The following CACNA2D3 variants were observed in gnomAD, a reference collection of about 807,000 sequenced individuals.
The protein encoded by CACNA2D3 is calcium voltage-gated channel auxiliary subunit alpha2delta 3, also known as voltage-dependent calcium channel subunit alpha-2/delta-3.
In CACNA2D3, 60 loss-of-function variants were observed where a neutral mutation model predicts 160.6. The ratio of observed to expected loss-of-function variants is 0.37; its 90% CI spans 0.30 to 0.46. The LOEUF is 0.46. Among genes scored for constraint, CACNA2D3 ranks in the 20% least tolerant of loss-of-function variants. The pLI is 1.00. For synonymous variants in CACNA2D3, 558 were observed against 492.9 expected (o/e 1.13, Z -1.75); for missense variants, 1,205 against 1,365.0 (o/e 0.88, Z 1.85).
intron 16 of CACNA2D3, among the ~76,000 whole-genome samples, chr3:54,839,860 G>A (rs1282490636): frequency 6.6e-6 from 1 of 152,104 alleles, no homozygotes; most frequent in Non-Finnish European, 1.5e-5. Flanking sequence ...ATCCACCAGG[G>A]CTTTTATAAT....
intron 4 of CACNA2D3, among the ~76,000 whole-genome samples, chr3:54,439,579 G>C (rs981319272): frequency 6.6e-6 from 1 of 152,140 alleles, no homozygotes; most frequent in Non-Finnish European, 1.5e-5. Flanking sequence ...CCATGGGCTG[G>C]AGGGTTTGAG....
At chr3:55,035,845 A>C (rs1333628231) in intron 35 of CACNA2D3, among the ~76,000 whole-genome samples, 1 of 152,304 alleles carries the variant, frequency 6.6e-6, no homozygotes, top group East Asian at 1.9e-4. Flanking sequence ...CTATGGTTCT[A>C]TATGTTATGT....
intron 3 of CACNA2D3, among the ~76,000 whole-genome samples, chr3:54,380,988 C>T (rs947974773): frequency 6.6e-6 from 1 of 152,036 alleles, no homozygotes; most frequent in African/African-American, 2.4e-5. Context: ...GATTTGAGTT[C>T]CCCCCATTTG....
intron 17 of CACNA2D3, among the ~76,000 whole-genome samples, chr3:54,849,434 A>G (rs1225839369): frequency 6.6e-6 from 1 of 152,146 alleles, no homozygotes. Context: ...GACTCAGTAG[A>G]TGAATAAGTG....
intron 4 of CACNA2D3, among the ~76,000 whole-genome samples, chr3:54,437,458 C>T (rs1200750133): frequency 6.6e-6 from 1 of 152,176 alleles, no homozygotes; most frequent in Non-Finnish European, 1.5e-5. Flanking sequence ...TTCCTTGGCT[C>T]ATTCTGGCCC....
intron 15 of CACNA2D3, among the ~76,000 whole-genome samples, chr3:54,837,891 C>T (rs1012095035): frequency 6.6e-6 from 1 of 152,146 alleles, no homozygotes; most frequent in African/African-American, 2.4e-5. Context: ...TTAACAATTA[C>T]GTATGCAAAG....
chr3:54,182,734 G>A (rs1363915939), intron 2 of CACNA2D3, among the ~76,000 whole-genome samples: 5 of 152,244 alleles, frequency 3.3e-5, no homozygotes, highest in South Asian at 2.1e-4. Flanking sequence ...GGCCCTGGGC[G>A]ATCACTTCCT....
intron 13 of CACNA2D3, among the ~76,000 whole-genome samples, chr3:54,785,568 G>C (rs1474840369): frequency 6.6e-6 from 1 of 152,054 alleles, no homozygotes; most frequent in African/African-American, 2.4e-5. Context: ...GTTGTAAATT[G>C]CTTCTCTTTG....
At chr3:55,043,393 A>G (rs1433189810) in intron 35 of CACNA2D3, among the ~76,000 whole-genome samples, 1 of 148,110 alleles carries the variant, frequency 6.8e-6, no homozygotes, top group Non-Finnish European at 1.5e-5. Flanking sequence ...GTGGTTTTGC[A>G]CTTCCATGAC....
Position 54,122,853 on chromosome 3 carries a change from C to G in CACNA2D3, c.122+18C>G. ...CTCTCCGTGTAAGTGCCGGCTCCTG[C>G]GCCGCCCGGGGAGGGGACCTTGCCG... On this transcript the variant is annotated intron_variant, in intron 1 of 37. Transcript: ENST00000474759. The G allele has an allele frequency of 8.2e-7, 1 of 1,224,678 alleles. No individual in the cohort carries two copies. The highest frequency in any genetic ancestry group is 1.0e-6 in the Non-Finnish European group (1 of 978,436). The allele number at this position is 1,224,678 out of a possible 1,614,324, so 75.9% of individuals were successfully genotyped here. A position where few individuals can be genotyped will look rare whatever the true frequency, so the allele number is the denominator to read the frequency against.
intron 14 of CACNA2D3, among the ~76,000 whole-genome samples, chr3:54,825,678 C>A (rs1196321655): frequency 6.6e-6 from 1 of 152,062 alleles, no homozygotes; most frequent in African/African-American, 2.4e-5. Flanking sequence ...AATTAAGCAA[C>A]CCAGGAAATA....
At chr3:54,372,079 G>A (rs905511700) in intron 3 of CACNA2D3, among the ~76,000 whole-genome samples, 2 of 152,180 alleles carry the variant, frequency 1.3e-5, no homozygotes, top group African/African-American at 4.8e-5. Context: ...GGCCCCAAGG[G>A]CCTCAGAGAT....
At chr3:54,972,551 A>G (rs1250895841) in intron 29 of CACNA2D3, among the ~76,000 whole-genome samples, 1 of 148,582 alleles carries the variant, frequency 6.7e-6, no homozygotes, top group East Asian at 2.0e-4. Context: ...CATTAAGTTC[A>G]GTGGTCTGAC....
intron 8 of CACNA2D3, among the ~76,000 whole-genome samples, chr3:54,578,508 G>A (rs1559517665): frequency 6.6e-6 from 1 of 152,262 alleles, no homozygotes; most frequent in African/African-American, 2.4e-5. Flanking sequence ...GGAGCCGTTG[G>A]GTAGTGAGAG....
intron 35 of CACNA2D3, among the ~76,000 whole-genome samples, chr3:55,067,859 A>T (rs1227972725): frequency 1.3e-5 from 2 of 152,246 alleles, no homozygotes; most frequent in Non-Finnish European, 2.9e-5. Flanking sequence ...GAGGTTACAA[A>T]ACAAAAAGCC....
chr3:54,164,743 CACT>C (rs1700417580), intron 2 of CACNA2D3, among the ~76,000 whole-genome samples: 1 of 152,138 alleles, frequency 6.6e-6, no homozygotes. Flanking sequence ...ACCCTCTGCC[CACT>C]TCTGCCTGCC....
At chr3:54,814,960 G>A (rs1018790005) in intron 13 of CACNA2D3, among the ~76,000 whole-genome samples, 7 of 152,176 alleles carry the variant, frequency 4.6e-5, no homozygotes, top group Admixed American at 1.3e-4. Flanking sequence ...ACATAGCTGC[G>A]ATTCGACACA....
At chr3:54,507,042 T>C (rs1299134946) in intron 5 of CACNA2D3, among the ~76,000 whole-genome samples, 1 of 152,226 alleles carries the variant, frequency 6.6e-6, no homozygotes, top group Non-Finnish European at 1.5e-5. Flanking sequence ...ATACACCTTA[T>C]ATGTATGTGC....
At chr3:54,705,480 C>G (rs189423860) in intron 11 of CACNA2D3, among the ~76,000 whole-genome samples, 139 of 152,278 alleles carry the variant, frequency 9.1e-4, no homozygotes, top group African/African-American at 3.3e-3. Flanking sequence ...CAGGTTTTTT[C>G]TTGTTGTTCT....
Sources: allele counts gnomAD v4.1 joint callset (sites outside exome capture counted in the v4.1 genomes callset), GRCh38; gene constraint gnomAD v4.1.1; transcripts MANE v1.5; gene names NCBI Gene and HGNC (gene_info 2026-07-23, HGNC 2026-07-21).